Variants in USP14 observed in about 807,000 individuals in gnomAD.
USP14 encodes the protein ubiquitin carboxyl-terminal hydrolase 14.
A neutral mutation model predicts 76.5 loss-of-function variants in USP14; 38 were observed. The observed-to-expected ratio is 0.50, with a 90% CI of 0.38 to 0.65. The LOEUF (loss-of-function observed/expected upper bound fraction) is 0.65, where lower values mean the gene tolerates loss of function less well. Ranked by LOEUF, USP14 falls within the 30% of genes least tolerant of loss-of-function variation. USP14 has a pLI of 0.00. For missense variants in USP14, 467 were observed against 586.5 expected (o/e 0.80, Z 2.10); for synonymous variants, 192 against 191.7 (o/e 1.00, Z -0.01).
At chr18:161,576 C>A (rs1372057840) in intron 1 of USP14, among the ~76,000 whole-genome samples, 2 of 152,148 alleles carry the variant, frequency 1.3e-5, no homozygotes, top group Non-Finnish European at 2.9e-5. Context: ...TCCTCCCACC[C>A]CCCCATTAGG....
intron 13 of USP14, among the ~76,000 whole-genome samples, chr18:208,110 A>T (rs972720026): frequency 2.5e-4 from 37 of 149,736 alleles, no homozygotes; most frequent in African/African-American, 7.0e-4. Flanking sequence ...ATTTTTATTT[A>T]TTTTTTTTCT....
chr18:160,291 C>T (rs771300007), intron 1 of USP14, among the ~76,000 whole-genome samples: 38 of 151,966 alleles, frequency 2.5e-4, no homozygotes, highest in Middle Eastern at 3.4e-3. Context: ...GTGAAAAAAG[C>T]GAAACTGGGT....
At chr18:162,286 T>TCA (rs1909142597) in intron 1 of USP14, among the ~76,000 whole-genome samples, 1 of 152,192 alleles carries the variant, frequency 6.6e-6, no homozygotes, top group Non-Finnish European at 1.5e-5. Context: ...CATATGGTAA[T>TCA]TCTATGTTTA....
chr18:159,850 C>A lies in USP14; in HGVS notation c.16+1136C>A, dbSNP rs115445128. Among the ~76,000 whole-genome samples the A allele has an allele frequency of 2.1e-3, 319 of 152,278 alleles. 2 individuals are homozygous for A. The highest frequency in any genetic ancestry group is 7.1e-3 in the African/African-American group (294 of 41,564). ...CTTTATCTTAAATATTTAATCAGAT[C>A]TTTTCCTCATCCCCCAAATGAAGGA... On this transcript the variant is annotated intron_variant, in intron 1 of 15. Coordinates refer to ENST00000261601, the MANE Select transcript of USP14 (RefSeq NM_005151.4).
At position 170,455 on chromosome 18, in the gene USP14, A is replaced by G. The variant is rs145202182; in HGVS notation, c.195+3636A>G. Among the ~76,000 whole-genome samples, 538 of 152,370 alleles carry G rather than the reference A, an allele frequency of 3.5e-3. 1 individual carries two copies. Among genetic ancestry groups the G allele is most frequent in the African/African-American group, 0.012 (501 of 41,588 alleles). On this transcript the variant is annotated intron_variant, in intron 3 of 15. Transcript: ENST00000261601. ...GGCCTGTGTAAAGCCAAGACAGTCC[A>G]AAAGCTAGGCATTTTGCAGCAGTTA...
intron 3 of USP14, among the ~76,000 whole-genome samples, chr18:171,025 A>AAAAATATATAT (rs1327304974): frequency 2.1e-5 from 1 of 47,652 alleles, no homozygotes; most frequent in African/African-American, 8.7e-5. Flanking sequence ...AAAAAAAAAA[A>AAAAATATATAT]ATATATATAT....
intron 2 of USP14, among the ~76,000 whole-genome samples, chr18:166,406 C>T (rs951795673): frequency 6.7e-6 from 1 of 149,722 alleles, no homozygotes; most frequent in African/African-American, 2.5e-5. Context: ...GATCTCGGCT[C>T]ACTGTAACCT....
At chr18:203,973 T>G (rs1430489947) in intron 12 of USP14, among the ~76,000 whole-genome samples, 2 of 152,170 alleles carry the variant, frequency 1.3e-5, no homozygotes, top group Non-Finnish European at 2.9e-5. Context: ...ACTGTTTTTG[T>G]TGAGTTGTAG....
rs1910728213 is a variant in USP14, at chr18:213,335, A to G, written c.*2051A>G. ...ACTATATTAGAATTTTAAAAATTGT[A>G]ATTAATTCCTTATCATCATTATAAA... On this transcript the variant is annotated 3_prime_UTR_variant, in exon 16 of 16. Transcript: ENST00000261601. 1 of 146,642 alleles carries G rather than the reference A, an allele frequency of 6.8e-6. No individual in the cohort carries two copies. The highest frequency in any genetic ancestry group is 6.9e-5 in the Admixed American group (1 of 14,462). The allele number at this position is 146,642 out of a possible 1,614,324, so 9.1% of individuals were successfully genotyped here.
chr18:191,468 G>C (rs796647154), intron 5 of USP14, among the ~76,000 whole-genome samples: 31 of 152,208 alleles, frequency 2.0e-4, no homozygotes, highest in African/African-American at 7.0e-4. Context: ...TAAGTGTTTG[G>C]TTTGATCAGT....
intron 3 of USP14, among the ~76,000 whole-genome samples, chr18:169,830 G>C (rs1909392148): frequency 6.6e-6 from 1 of 152,096 alleles, no homozygotes; most frequent in East Asian, 1.9e-4. Context: ...TGTCAAGTAT[G>C]TTGATCTTTG....
intron 8 of USP14, 40 bp downstream of exon 8, chr18:197,736 C>T (rs1192377749): frequency 4.7e-6 from 7 of 1,493,126 alleles, no homozygotes; most frequent in Admixed American, 3.9e-5. Flanking sequence ...TTTCGTTATA[C>T]CTTGATTTTT....
intron 10 of USP14, among the ~76,000 whole-genome samples, chr18:201,304 T>A (rs1910378022): frequency 6.6e-6 from 1 of 152,146 alleles, no homozygotes; most frequent in Non-Finnish European, 1.5e-5. Context: ...GAAAAGTCAG[T>A]GAAAAATGAT....
chr18:193,904 C>T (rs767858168), intron 6 of USP14, among the ~76,000 whole-genome samples: 17 of 152,174 alleles, frequency 1.1e-4, no homozygotes, highest in Non-Finnish European at 2.5e-4. Flanking sequence ...GTGTACAAGT[C>T]TTGGTGTGGA....
At chr18:202,791 G>A in intron 10 of USP14, 89 bp from the exon 11 acceptor site, 2 of 1,338,186 alleles carry the variant, frequency 1.5e-6, no homozygotes, top group Non-Finnish European at 2.1e-6. Context: ...GGTAGTGCTA[G>A]TTTTTAAAAG....
chr18:158,594 G>A lies in USP14; in HGVS notation c.-105G>A, dbSNP rs1909016248. 3 of 1,252,444 alleles carry A rather than the reference G, an allele frequency of 2.4e-6. No individual in the cohort carries two copies. Among genetic ancestry groups the A allele is most frequent in the Non-Finnish European group, 3.3e-6 (3 of 916,378 alleles). The allele number at this position is 1,252,444 out of a possible 1,614,324, so 77.6% of individuals were successfully genotyped here. A position where few individuals can be genotyped will look rare whatever the true frequency, so the allele number is the denominator to read the frequency against. The stretch of plus-strand genomic sequence containing the variant: ...TCGCACCGAAGCCGCCGCCACCACC[G>A]CGCCTCCGCCTCGGCCGCCGCCGCA... On this transcript the variant is annotated 5_prime_UTR_variant, in exon 1 of 16. Coordinates refer to ENST00000261601, the MANE Select transcript of USP14 (RefSeq NM_005151.4).
chr18:188,522 TTTTC>T (rs1436703663), intron 5 of USP14, among the ~76,000 whole-genome samples: 10 of 150,972 alleles, frequency 6.6e-5, no homozygotes, highest in African/African-American at 2.0e-4. Context: ...TTTTTTTTTT[TTTTC>T]CTTTGTGAGG....
chr18:174,458 G>T (rs1383415986), intron 3 of USP14, among the ~76,000 whole-genome samples: 1 of 151,742 alleles, frequency 6.6e-6, no homozygotes, highest in Admixed American at 6.6e-5. Context: ...TAGAGACGGG[G>T]TGTCACCATG....
intron 2 of USP14, among the ~76,000 whole-genome samples, chr18:164,564 A>G (rs1268100540): frequency 6.6e-6 from 1 of 151,426 alleles, no homozygotes; most frequent in African/African-American, 2.4e-5. Context: ...AGCGATTCTT[A>G]TGCCTCAGCC....
Sources: allele counts gnomAD v4.1 joint callset (sites outside exome capture counted in the v4.1 genomes callset), GRCh38; gene constraint gnomAD v4.1.1; transcripts MANE v1.5; gene names NCBI Gene and HGNC (gene_info 2026-07-23, HGNC 2026-07-21).